The following GRID1 variants were observed in gnomAD, a reference collection of about 807,000 sequenced individuals.
The protein encoded by GRID1 is glutamate receptor ionotropic, delta-1.
In GRID1, 28 loss-of-function variants were observed where a neutral mutation model predicts 98.0. The observed-to-expected ratio is 0.29, with a 90% CI of 0.21 to 0.39. The LOEUF is 0.39. Among genes scored for constraint, GRID1 ranks in the 10% least tolerant of loss-of-function variants. The pLI is 1.00. For synonymous variants in GRID1, 553 were observed against 538.5 expected (o/e 1.03, Z -0.37); for missense variants, 1,111 against 1,340.5 (o/e 0.83, Z 2.67).
chr10:86,207,360 C>T (rs1177224910), intron 2 of GRID1, among the ~76,000 whole-genome samples: 2 of 152,206 alleles, frequency 1.3e-5, no homozygotes, highest in Non-Finnish European at 2.9e-5. Context: ...GCCACTCAGG[C>T]AGTTACCACG....
intron 2 of GRID1, among the ~76,000 whole-genome samples, chr10:86,302,537 G>A (rs1564733514): frequency 6.6e-6 from 1 of 152,172 alleles, no homozygotes; most frequent in Non-Finnish European, 1.5e-5. Flanking sequence ...TTGTGGATGT[G>A]CTTCTTGATA....
At chr10:85,650,985 G>A (rs933936675) in intron 12 of GRID1, among the ~76,000 whole-genome samples, 6 of 152,084 alleles carry the variant, frequency 3.9e-5, no homozygotes, top group African/African-American at 1.4e-4. Flanking sequence ...GTAGCACCTG[G>A]GGCCTTATGA....
intron 3 of GRID1, among the ~76,000 whole-genome samples, chr10:86,189,975 G>A (rs1246009954): frequency 6.6e-6 from 1 of 152,050 alleles, no homozygotes; most frequent in Admixed American, 6.6e-5. Context: ...GCTTCTCTGT[G>A]CTCAGGCTGT....
intron 3 of GRID1, among the ~76,000 whole-genome samples, chr10:86,159,953 T>G (rs1589392232): frequency 6.6e-6 from 1 of 152,156 alleles, no homozygotes; most frequent in South Asian, 2.1e-4. Flanking sequence ...TATCATCACC[T>G]TCACCATCAC....
At chr10:85,848,291 A>G (rs976794481) in intron 8 of GRID1, among the ~76,000 whole-genome samples, 2 of 152,124 alleles carry the variant, frequency 1.3e-5, no homozygotes, top group African/African-American at 2.4e-5. Flanking sequence ...TTCTTAAAAA[A>G]TATAGTATGG....
intron 15 of GRID1, among the ~76,000 whole-genome samples, chr10:85,611,830 C>T (rs1842735481): frequency 6.6e-6 from 1 of 152,218 alleles, no homozygotes; most frequent in South Asian, 2.1e-4. Context: ...TTCACTGTCC[C>T]TCCCACTGAC....
At chr10:85,908,088 A>C (rs569486580) in intron 5 of GRID1, among the ~76,000 whole-genome samples, 2 of 152,298 alleles carry the variant, frequency 1.3e-5, no homozygotes, top group African/African-American at 4.8e-5. Context: ...AATGATGAAA[A>C]ACTGTGTGTG....
At chr10:85,794,939 T>C (rs1398140886) in intron 8 of GRID1, among the ~76,000 whole-genome samples, 2 of 152,208 alleles carry the variant, frequency 1.3e-5, no homozygotes, top group African/African-American at 2.4e-5. Context: ...ACTATTTACA[T>C]AGGTCTCCAG....
Position 85,613,653 on chromosome 10 carries a change from A to G in GRID1, c.2361-6T>C. 1 of 1,611,692 alleles carries G rather than the reference A, an allele frequency of 6.2e-7. No homozygotes were observed. Among genetic ancestry groups the G allele is most frequent in the Non-Finnish European group, 8.5e-7 (1 of 1,178,248 alleles). On this transcript the variant is annotated splice_polypyrimidine_tract_variant and splice_region_variant and intron_variant, in intron 14 of 15. Coordinates refer to ENST00000327946, the MANE Select transcript of GRID1 (RefSeq NM_017551.3). ...TGTCCTGCAGCTCCAGGATCCTGTA[A>G]GACACAATCAAGGTGAGCTATAGCC...
rs1243803750 is a variant in GRID1 at position 85,599,799 on chromosome 10, A to AT, written c.*2473_*2474insA. The AT allele has an allele frequency of 6.8e-5, 7 of 103,696 alleles. No homozygotes were observed. Among genetic ancestry groups the AT allele is most frequent in the South Asian group, 3.2e-4 (1 of 3,098 alleles). The allele number at this position is 103,696 out of a possible 1,614,324, so 6.4% of individuals were successfully genotyped here. A position where few individuals can be genotyped will look rare whatever the true frequency, so the allele number is the denominator to read the frequency against. ...AGGGTAGAAAATTCTAAAAAAAAAA[A>AT]AAAATATATATATATATATATAAAC... On this transcript the variant is annotated 3_prime_UTR_variant, in exon 16 of 16. Coordinates refer to ENST00000327946, the MANE Select transcript of GRID1 (RefSeq NM_017551.3).
At position 86,309,219 on chromosome 10, in the gene GRID1, C is replaced by G. The variant is rs182828323; in HGVS notation, c.235+54722G>C. ...CAGAGTAAGGTGAGTCCCAAAGACA[C>G]AGCTGGAGTTTGACAAAGTGAAAAA... On this transcript the variant is annotated intron_variant, in intron 2 of 15. Coordinates refer to ENST00000327946, the MANE Select transcript of GRID1 (RefSeq NM_017551.3). Among the ~76,000 whole-genome samples the G allele has an allele frequency of 2.3e-3, 345 of 152,256 alleles. 1 individual carries two copies. Among genetic ancestry groups the G allele is most frequent in the Non-Finnish European group, 2.4e-3 (164 of 68,032 alleles).
chr10:86,293,691 A>G (rs1050976869), intron 2 of GRID1, among the ~76,000 whole-genome samples: 14 of 152,264 alleles, frequency 9.2e-5, no homozygotes, highest in Non-Finnish European at 1.9e-4. Flanking sequence ...ACCTGTCAGC[A>G]CAGAGACACA....
intron 4 of GRID1, among the ~76,000 whole-genome samples, chr10:86,060,770 C>G (rs1843637469): frequency 6.6e-6 from 1 of 152,168 alleles, no homozygotes; most frequent in African/African-American, 2.4e-5. Context: ...GCTCAAGACT[C>G]CAGCCTCCAG....
intron 12 of GRID1, among the ~76,000 whole-genome samples, chr10:85,709,951 A>G: frequency 6.6e-6 from 1 of 152,220 alleles, no homozygotes; most frequent in Non-Finnish European, 1.5e-5. Context: ...AGTTGAAAAA[A>G]AATACCACAA....
At chr10:86,072,480 G>GT (rs539351073) in intron 4 of GRID1, among the ~76,000 whole-genome samples, 36 of 151,452 alleles carry the variant, frequency 2.4e-4, no homozygotes, top group Admixed American at 3.9e-4. Context: ...CTACTCTTTC[G>GT]TTTTTTTTTA....
intron 3 of GRID1, among the ~76,000 whole-genome samples, chr10:86,174,792 C>A (rs955292130): frequency 6.6e-6 from 1 of 151,416 alleles, no homozygotes; most frequent in Non-Finnish European, 1.5e-5. Context: ...AACAAACTTA[C>A]AAGAAAAAAA....
At chr10:85,801,845 G>C (rs12250047) in intron 8 of GRID1, among the ~76,000 whole-genome samples, 1 of 151,752 alleles carries the variant, frequency 6.6e-6, no homozygotes, top group South Asian at 2.1e-4. Flanking sequence ...GAAATTAAGA[G>C]ATATTATTTT....
chr10:86,049,979 A>G (rs982123354), intron 4 of GRID1, among the ~76,000 whole-genome samples: 5 of 152,218 alleles, frequency 3.3e-5, no homozygotes, highest in African/African-American at 9.6e-5. Context: ...AGAGAGCTCA[A>G]TCTGATTTTC....
intron 8 of GRID1, among the ~76,000 whole-genome samples, chr10:85,768,325 T>C (rs976320439): frequency 8.6e-5 from 13 of 152,018 alleles, no homozygotes; most frequent in African/African-American, 3.1e-4. Flanking sequence ...ATAAAATTTC[T>C]AGAAGGTAAC....
Sources: gnomAD v4.1 joint callset for allele counts (sites outside exome capture counted in the v4.1 genomes callset) on GRCh38, gnomAD v4.1.1 for gene constraint, MANE v1.5 for transcripts, NCBI Gene and HGNC (gene_info 2026-07-23, HGNC 2026-07-21) for gene names.